Variants in PALLD observed in about 807,000 individuals in gnomAD.
The protein encoded by PALLD is palladin, cytoskeletal associated protein.
PALLD carries 61 observed loss-of-function variants against 123.5 expected under a neutral mutation model. The observed-to-expected ratio is 0.49, with a 90% CI of 0.40 to 0.61. PALLD has a LOEUF of 0.61. Among genes scored for constraint, PALLD ranks in the 20% least tolerant of loss-of-function variants. The pLI is 0.00. For missense variants in PALLD, 1,273 were observed against 1,377.0 expected, an observed-to-expected ratio of 0.92 and a Z score of 1.20; for synonymous variants, 465 against 496.4, an observed-to-expected ratio of 0.94 and a Z score of 0.84.
chr4:168,559,666 G>T (rs1261557620), intron 2 of PALLD, among the ~76,000 whole-genome samples: 1 of 152,168 alleles, frequency 6.6e-6, no homozygotes, highest in Non-Finnish European at 1.5e-5. Context: ...AGAGGCCGAG[G>T]TGGGTGGATT....
chr4:168,615,191 C>T (rs987385178), intron 2 of PALLD, among the ~76,000 whole-genome samples: 4 of 151,394 alleles, frequency 2.6e-5, no homozygotes, highest in Non-Finnish European at 4.4e-5. Context: ...TAAAGCATTA[C>T]ATTAAAAAAT....
At chr4:168,661,708 C>T (rs999500840) in intron 2 of PALLD, among the ~76,000 whole-genome samples, 2 of 152,178 alleles carry the variant, frequency 1.3e-5, no homozygotes, top group African/African-American at 4.8e-5. Flanking sequence ...GAGGAAGAAT[C>T]AGTAGGCTTT....
intron 2 of PALLD, among the ~76,000 whole-genome samples, chr4:168,640,013 A>G (rs535237210): frequency 2.0e-5 from 3 of 152,344 alleles, no homozygotes; most frequent in East Asian, 3.9e-4. Flanking sequence ...TGCTCCATGC[A>G]TCTCAAACTG....
intron 10 of PALLD, among the ~76,000 whole-genome samples, chr4:168,809,667 C>T (rs1740778548): frequency 1.3e-5 from 2 of 152,092 alleles, no homozygotes; most frequent in Admixed American, 1.3e-4. Context: ...AGTTCTAGAC[C>T]AGCCTGGTCA....
intron 2 of PALLD, among the ~76,000 whole-genome samples, chr4:168,555,159 G>A (rs1411403707): frequency 1.3e-5 from 2 of 152,022 alleles, no homozygotes; most frequent in Non-Finnish European, 2.9e-5. Context: ...AGATTTATAC[G>A]AATATTAAGG....
chr4:168,704,267 A>T (rs1325640065), intron 8 of PALLD, among the ~76,000 whole-genome samples: 3 of 152,180 alleles, frequency 2.0e-5, no homozygotes, highest in Non-Finnish European at 2.9e-5. Flanking sequence ...TTAGACCTAA[A>T]ACCATAAAAA....
intron 10 of PALLD, among the ~76,000 whole-genome samples, chr4:168,722,543 A>T (rs540497144): frequency 1.3e-5 from 2 of 152,328 alleles, no homozygotes; most frequent in East Asian, 3.9e-4. Flanking sequence ...TGAAAGAGGA[A>T]AGACAGTTGT....
At chr4:168,573,767 A>G (rs963643529) in intron 2 of PALLD, among the ~76,000 whole-genome samples, 19 of 152,104 alleles carry the variant, frequency 1.2e-4, no homozygotes, top group African/African-American at 4.6e-4. Flanking sequence ...ACCCTTCCCA[A>G]TTATACGAAG....
intron 2 of PALLD, among the ~76,000 whole-genome samples, chr4:168,644,482 A>G (rs1777250595): frequency 6.6e-6 from 1 of 152,182 alleles, no homozygotes; most frequent in Non-Finnish European, 1.5e-5. Flanking sequence ...TAAACAAATA[A>G]GGTAGGTTGT....
chr4:168,757,822 A>T (rs911660284), intron 10 of PALLD, among the ~76,000 whole-genome samples: 1 of 152,254 alleles, frequency 6.6e-6, no homozygotes, highest in Non-Finnish European at 1.5e-5. Context: ...CTATAATCCC[A>T]GCACTTTGGG....
Position 168,511,787 on chromosome 4 carries a change from C to T in PALLD, c.283C>T (p.Gln95Ter), listed in dbSNP as rs145601997. The T allele has an allele frequency of 1.2e-6, 2 of 1,614,184 alleles. No homozygotes were observed. The highest frequency in any genetic ancestry group is 2.7e-5 in the African/African-American group (2 of 75,056). ...KLGEHASRRP[Q>*]DNRSTPVQPL... The stretch of plus-strand genomic sequence containing the variant: ...GGGTGAACACGCCTCGAGGAGACCT[C>T]AGGATAACAGGTCAACACCTGTCCA... Residue 95 changes from glutamine to a stop codon, truncating the protein, a stop_gained, in exon 2 of 22, where the codon CAG becomes TAG. Coordinates refer to ENST00000505667, the MANE Select transcript of PALLD (RefSeq NM_001166108.2). LOFTEE classifies it high-confidence loss of function.
chr4:168,784,713 T>C (rs150613611), intron 10 of PALLD, among the ~76,000 whole-genome samples: 310 of 152,328 alleles, frequency 2.0e-3, no homozygotes, highest in African/African-American at 6.3e-3. Flanking sequence ...GGCGGAAAAG[T>C]GGATACAGAG....
At chr4:168,731,033 A>G (rs771901975) in intron 10 of PALLD, among the ~76,000 whole-genome samples, 34 of 152,126 alleles carry the variant, frequency 2.2e-4, no homozygotes, top group Non-Finnish European at 4.0e-4. Context: ...ACTTTCAGCC[A>G]GTCTTCTTGT....
intron 2 of PALLD, among the ~76,000 whole-genome samples, chr4:168,590,402 CTAAG>C (rs1263948688): frequency 3.3e-5 from 5 of 152,168 alleles, no homozygotes; most frequent in Middle Eastern, 3.2e-3. Flanking sequence ...CAGTGCATAT[CTAAG>C]TATTTTTTCC....
chr4:168,647,973 G>A (rs764603939), intron 2 of PALLD: 4 of 151,848 alleles, frequency 2.6e-5, no homozygotes, highest in African/African-American at 4.8e-5. Context: ...ATTTGCAAAC[G>A]TAAAGCAAGG....
chr4:168,516,175 T>C (rs1437455733), intron 2 of PALLD, among the ~76,000 whole-genome samples: 1 of 152,236 alleles, frequency 6.6e-6, no homozygotes, highest in Admixed American at 6.5e-5. Context: ...AAAAGGACGT[T>C]ATATACAATT....
chr4:168,612,239 T>C (rs1274597517), intron 2 of PALLD, among the ~76,000 whole-genome samples: 3 of 137,492 alleles, frequency 2.2e-5, no homozygotes, highest in Non-Finnish European at 4.7e-5. Flanking sequence ...TCAGTGTCCT[T>C]GAAATCTAGG....
intron 2 of PALLD, among the ~76,000 whole-genome samples, chr4:168,552,750 A>C (rs371323273): frequency 8.8e-4 from 134 of 152,164 alleles, no homozygotes; most frequent in African/African-American, 3.1e-3. Flanking sequence ...ATCTCAGCTC[A>C]CTGCAACCTC....
chr4:168,849,589 C>T (rs1046964082), intron 10 of PALLD, among the ~76,000 whole-genome samples: 4 of 152,170 alleles, frequency 2.6e-5, no homozygotes, highest in African/African-American at 9.7e-5. Context: ...AGAAGGTTTT[C>T]AATCCAAACC....
Sources: gnomAD v4.1 joint callset for allele counts (sites outside exome capture counted in the v4.1 genomes callset) on GRCh38, gnomAD v4.1.1 for gene constraint, MANE v1.5 for transcripts, NCBI Gene and HGNC (gene_info 2026-07-23, HGNC 2026-07-21) for gene names.